APCDD1L: variants seen among roughly 807,000 people sequenced by gnomAD.
APCDD1L encodes APC down-regulated 1 like, also known as protein APCDD1-like.
APCDD1L carries 21 observed loss-of-function variants against 24.2 expected under a neutral mutation model. The observed-to-expected ratio is 0.87, with a 90% CI of 0.61 to 1.25. The LOEUF (loss-of-function observed/expected upper bound fraction) is 1.25, where lower values mean the gene tolerates loss of function less well. Among genes scored for constraint, APCDD1L ranks in the 50% most tolerant of loss-of-function variants. The pLI, the probability that APCDD1L is intolerant of heterozygous loss-of-function variation, is 0.00. For synonymous variants in APCDD1L, 321 were observed against 323.6 expected, an observed-to-expected ratio of 0.99 and a Z score of 0.09; for missense variants, 704 against 711.7, an observed-to-expected ratio of 0.99 and a Z score of 0.12.
At chr20:58,492,854 GCA>G (rs1470240558) in intron 1 of APCDD1L, among the ~76,000 whole-genome samples, 1 of 119,766 alleles carries the variant, frequency 8.3e-6, no homozygotes, top group African/African-American at 3.3e-5. Flanking sequence ...ACGCATACAT[GCA>G]CACACATGCA....
chr20:58,504,699 C>A lies in APCDD1L; in HGVS notation c.49+9960G>T, dbSNP rs76440983. Among the ~76,000 whole-genome samples the A allele has an allele frequency of 3.8e-3, 574 of 152,268 alleles. 1 individual carries two copies. The highest frequency in any genetic ancestry group is 7.0e-3 in the Non-Finnish European group (478 of 68,020). On this transcript the variant is annotated intron_variant, in intron 1 of 3. Coordinates refer to ENST00000371149, the MANE Select transcript of APCDD1L (RefSeq NM_153360.3). ...AGCCCCATCCACAAGACTGAGGGCACCTTTGGCAAGCACCTCTCCTCACAG... is the reference window on the plus strand; with the variant it reads ...AGCCCCATCCACAAGACTGAGGGCAACTTTGGCAAGCACCTCTCCTCACAG...
In APCDD1L at chr20:58,497,484, T is replaced by A. The variant is rs1220225591; in HGVS notation, c.49+17175A>T. On this transcript the variant is annotated intron_variant, in intron 1 of 3. Coordinates refer to ENST00000371149, the MANE Select transcript of APCDD1L (RefSeq NM_153360.3). This position sits in a 1 kb window ranked among gnomAD's most constrained non-coding sequence, Gnocchi z 4.3. The stretch of plus-strand genomic sequence containing the variant: ...ATGAGTCTGGGCTCAAGGTGCGAGC[T>A]GGGTTGGTTCCTTCTGAGGCTGGGC... 6.6e-6 allele frequency among the ~76,000 whole-genome samples: 1 copy of A among 152,124 alleles called. No homozygotes were observed. The highest frequency in any genetic ancestry group is 6.5e-5 in the Admixed American group (1 of 15,282).
At chr20:58,504,725 C>G (rs1332163221) in intron 1 of APCDD1L, among the ~76,000 whole-genome samples, 1 of 152,160 alleles carries the variant, frequency 6.6e-6, no homozygotes, top group Admixed American at 6.5e-5. Context: ...CTCCTCACAG[C>G]AGGGAGGGCA....
chr20:58,489,055 C>T (rs1049281453), intron 1 of APCDD1L, among the ~76,000 whole-genome samples: 38 of 152,048 alleles, frequency 2.5e-4, no homozygotes, highest in Non-Finnish European at 1.0e-4. Context: ...GAATGAAAAA[C>T]GGACAAAATT....
In APCDD1L at chr20:58,508,884, G is replaced by A. The variant is rs1038894943; in HGVS notation, c.49+5775C>T. Among the ~76,000 whole-genome samples, 4 of 152,142 alleles carry A rather than the reference G, an allele frequency of 2.6e-5. No homozygotes were observed. Among genetic ancestry groups the A allele is most frequent in the South Asian group, 2.1e-4 (1 of 4,830 alleles). On this transcript the variant is annotated intron_variant, in intron 1 of 3. Coordinates refer to ENST00000371149, the MANE Select transcript of APCDD1L (RefSeq NM_153360.3). The surrounding 1 kb of genome is among the most constrained non-coding windows in gnomAD (Gnocchi z 4.0). ...GGGGTGCCGTGCAGAAAGGCAGAGC[G>A]GGGTACTGGGAAAGACTGTGTGCAC...
At chr20:58,509,768 C>T (rs944197401) in intron 1 of APCDD1L, among the ~76,000 whole-genome samples, 3 of 152,214 alleles carry the variant, frequency 2.0e-5, no homozygotes, top group Non-Finnish European at 2.9e-5. Context: ...CAGTGCTACT[C>T]GCATCATCCA....
chr20:58,466,405 C>T (rs896843237), intron 3 of APCDD1L, among the ~76,000 whole-genome samples: 1 of 152,232 alleles, frequency 6.6e-6, no homozygotes, highest in African/African-American at 2.4e-5. Flanking sequence ...GTGGCTTCGC[C>T]GTCTGGTTTG....
At chr20:58,484,812 G>A (rs1224193451) in intron 1 of APCDD1L, among the ~76,000 whole-genome samples, 3 of 152,168 alleles carry the variant, frequency 2.0e-5, no homozygotes, top group Non-Finnish European at 4.4e-5. Flanking sequence ...TTTTCAAAAT[G>A]TATTAAAAAA....
intron 1 of APCDD1L, chr20:58,514,031 T>G: frequency 8.7e-7 from 1 of 1,153,040 alleles, no homozygotes; most frequent in Non-Finnish European, 1.1e-6. Flanking sequence ...TACAGTTTTG[T>G]CTACCCTACT....
chr20:58,485,302 C>A (rs2123161379), intron 1 of APCDD1L, among the ~76,000 whole-genome samples: 1 of 152,242 alleles, frequency 6.6e-6, no homozygotes, highest in Middle Eastern at 3.4e-3. Context: ...GCCAAATTGT[C>A]CTCCAAAAAT....
intron 1 of APCDD1L, among the ~76,000 whole-genome samples, chr20:58,475,329 C>T (rs1451853660): frequency 2.0e-5 from 3 of 152,072 alleles, no homozygotes; most frequent in Non-Finnish European, 1.5e-5. Context: ...TGATTTCAGG[C>T]GCGAAGCGAG....
chr20:58,504,339 C>T (rs1260969023), intron 1 of APCDD1L, among the ~76,000 whole-genome samples: 4 of 152,084 alleles, frequency 2.6e-5, no homozygotes, highest in Non-Finnish European at 4.4e-5. Flanking sequence ...ACCTCAGGGC[C>T]CCCAGGGAGC....
At chr20:58,476,216 A>G (rs1034040043) in intron 1 of APCDD1L, among the ~76,000 whole-genome samples, 1 of 152,170 alleles carries the variant, frequency 6.6e-6, no homozygotes, top group Non-Finnish European at 1.5e-5. Flanking sequence ...TTTGAGACGG[A>G]GTCTTGCTCT....
intron 1 of APCDD1L, among the ~76,000 whole-genome samples, chr20:58,483,785 A>G (rs911308252): frequency 6.6e-6 from 1 of 152,184 alleles, no homozygotes; most frequent in African/African-American, 2.4e-5. Flanking sequence ...AATTCAATTC[A>G]TGAGCGAGGA....
intron 1 of APCDD1L, among the ~76,000 whole-genome samples, chr20:58,509,557 GT>G (rs1460485583): frequency 6.6e-6 from 1 of 152,176 alleles, no homozygotes; most frequent in African/African-American, 2.4e-5. Context: ...AAATGCTGCT[GT>G]AAGTCAGGAG....
intron 1 of APCDD1L, among the ~76,000 whole-genome samples, chr20:58,498,765 C>T (rs1166418699): frequency 1.3e-5 from 2 of 152,352 alleles, no homozygotes; most frequent in East Asian, 1.9e-4. Context: ...TAGAAAATGC[C>T]TCCTCCTCCT....
chr20:58,498,442 T>C (rs558811107), intron 1 of APCDD1L, among the ~76,000 whole-genome samples: 39 of 152,334 alleles, frequency 2.6e-4, no homozygotes, highest in Non-Finnish European at 4.1e-4. Flanking sequence ...AACAAGGATA[T>C]AATTTCTTGA....
intron 3 of APCDD1L, among the ~76,000 whole-genome samples, chr20:58,464,371 G>A (rs759598174): frequency 4.6e-5 from 7 of 152,188 alleles, no homozygotes; most frequent in African/African-American, 1.7e-4. Flanking sequence ...AGGTGAAAGA[G>A]GGATGAGAAA....
Position 58,461,064 on chromosome 20 carries a change from T to C in APCDD1L, c.1232A>G (p.Tyr411Cys). Residue 411 changes from tyrosine (Y) to cysteine (C), a missense_variant, in exon 4 of 4, where the codon TAC (tyrosine) becomes TGC (cysteine). Tyr to Cys is a radical substitution (Grantham distance 194). Coordinates refer to ENST00000371149, the MANE Select transcript of APCDD1L (RefSeq NM_153360.3). The surrounding 1 kb of genome is among the most constrained non-coding windows in gnomAD (Gnocchi z 6.0). ...GTCTTGTTCCATCTTGAAAAGCTCG[T>C]ACTCCACATGCGGGAGCCGGATGCC... ...PLGIRLPHVE[Y>C]ELFKMEQDPL... 6.2e-7 allele frequency: 1 copy of C among 1,614,086 alleles called. No homozygotes were observed. The highest frequency in any genetic ancestry group is 8.5e-7 in the Non-Finnish European group (1 of 1,179,978).
Sources: allele counts gnomAD v4.1 joint callset (sites outside exome capture counted in the v4.1 genomes callset), GRCh38; gene constraint gnomAD v4.1.1; non-coding constraint Gnocchi (gnomAD v3.1); transcripts MANE v1.5; gene names NCBI Gene and HGNC (gene_info 2026-07-23, HGNC 2026-07-21).